Variants in MCTP1 observed in about 807,000 individuals in gnomAD.
MCTP1 encodes the protein multiple C2 and transmembrane domain-containing protein 1.
A neutral mutation model predicts 120.6 loss-of-function variants in MCTP1; 69 were observed. The observed-to-expected ratio is 0.57, with a 90% CI of 0.47 to 0.70. The LOEUF (loss-of-function observed/expected upper bound fraction) is 0.70. Among genes scored for constraint, MCTP1 ranks in the 30% least tolerant of loss-of-function variants. The probability of loss-of-function intolerance (pLI) is 0.00; values close to 1 mark genes in which losing one functional copy is unlikely to be tolerated. For missense variants in MCTP1, 1,203 were observed against 1,248.8 expected (o/e 0.96, Z 0.55); for synonymous variants, 529 against 493.1 (o/e 1.07, Z -0.96).
At chr5:94,859,189 A>G (rs1795263731) in intron 17 of MCTP1, among the ~76,000 whole-genome samples, 1 of 151,764 alleles carries the variant, frequency 6.6e-6, no homozygotes, top group Admixed American at 6.6e-5. Flanking sequence ...CAGTTAAGCT[A>G]GTAGAACCTA....
chr5:95,143,649 A>C (rs1345809786), intron 1 of MCTP1, among the ~76,000 whole-genome samples: 1 of 152,276 alleles, frequency 6.6e-6, no homozygotes, highest in Non-Finnish European at 1.5e-5. Flanking sequence ...ATGTGAGTAC[A>C]TGCGGCATTT....
At chr5:95,267,453 A>G (rs1370141765) in intron 1 of MCTP1, among the ~76,000 whole-genome samples, 1 of 152,150 alleles carries the variant, frequency 6.6e-6, no homozygotes, top group Non-Finnish European at 1.5e-5. Flanking sequence ...TCTTGCCTTC[A>G]TTTACTTTCC....
At chr5:94,968,384 T>C (rs999937674) in intron 2 of MCTP1, among the ~76,000 whole-genome samples, 5 of 152,222 alleles carry the variant, frequency 3.3e-5, no homozygotes, top group South Asian at 2.1e-4. Flanking sequence ...CCTACTTTTC[T>C]TGAGTGCATC....
intron 2 of MCTP1, among the ~76,000 whole-genome samples, chr5:94,974,998 C>G (rs188196444): frequency 6.6e-6 from 1 of 152,254 alleles, no homozygotes; most frequent in Admixed American, 6.5e-5. Flanking sequence ...TTCTAGTCTT[C>G]CTTATTTCAA....
chr5:94,846,661 A>T (rs973942593), intron 17 of MCTP1, among the ~76,000 whole-genome samples: 35 of 152,272 alleles, frequency 2.3e-4, no homozygotes, highest in African/African-American at 8.2e-4. Context: ...AACGTTTTTT[A>T]AAAAAGAATA....
chr5:95,165,912 C>G (rs550417262), intron 1 of MCTP1, among the ~76,000 whole-genome samples: 44 of 152,294 alleles, frequency 2.9e-4, no homozygotes, highest in African/African-American at 1.0e-3. Flanking sequence ...GCCTCCCTCT[C>G]AGGGCTTGTC....
At chr5:95,139,479 C>CT (rs1241157994) in intron 1 of MCTP1, among the ~76,000 whole-genome samples, 1 of 152,184 alleles carries the variant, frequency 6.6e-6, no homozygotes, top group Non-Finnish European at 1.5e-5. Flanking sequence ...TTGCCTCTCA[C>CT]TTAGGGAACA....
chr5:94,737,974 C>A (rs1215020707), intron 19 of MCTP1, among the ~76,000 whole-genome samples: 1 of 152,192 alleles, frequency 6.6e-6, no homozygotes, highest in Non-Finnish European at 1.5e-5. Flanking sequence ...CCACCGCACC[C>A]GGCCAGAATT....
At position 94,750,520 on chromosome 5, in the gene MCTP1, C is replaced by G. The variant is rs1768037038; in HGVS notation, c.2610+28590G>C. On this transcript the variant is annotated intron_variant, in intron 19 of 22. Transcript: ENST00000515393. ...GTGACTTGCTCTGACCAATGAAAGG[C>G]AAACAGAAATGGTCTATGTCTCTTC... Among the ~76,000 whole-genome samples the G allele has an allele frequency of 2.0e-5, 3 of 152,286 alleles. No homozygotes were observed. In the South Asian group the frequency reaches 6.2e-4, roughly 32 times the overall value.
intron 3 of MCTP1, among the ~76,000 whole-genome samples, chr5:94,947,577 T>TATATATATATATAGAGAGAGAGAGAG: frequency 2.1e-5 from 1 of 47,398 alleles, no homozygotes; most frequent in Non-Finnish European, 4.0e-5. Flanking sequence ...TATATATATA[T>TATATATATATATAGAGAGAGAGAGAG]AGAGAGAGAG....
At chr5:95,279,526 A>G (rs1198336013) in intron 1 of MCTP1, among the ~76,000 whole-genome samples, 1 of 152,182 alleles carries the variant, frequency 6.6e-6, no homozygotes, top group Admixed American at 6.5e-5. Context: ...TTTCAACCAC[A>G]CACTTATTTG....
intron 2 of MCTP1, among the ~76,000 whole-genome samples, chr5:94,982,063 C>T (rs1376167796): frequency 6.6e-6 from 1 of 152,082 alleles, no homozygotes; most frequent in Non-Finnish European, 1.5e-5. Context: ...AGGGCAAGTA[C>T]ATTGTTTTCT....
At position 95,211,187 on chromosome 5, in the gene MCTP1, C is replaced by T. The variant is rs534594221; in HGVS notation, c.720+72669G>A. Among the ~76,000 whole-genome samples, 501 of 152,122 alleles carry T rather than the reference C, an allele frequency of 3.3e-3. 3 individuals are homozygous for T. Among genetic ancestry groups the T allele is most frequent in the African/African-American group, 0.011 (474 of 41,472 alleles). On this transcript the variant is annotated intron_variant, in intron 1 of 22. Transcript: ENST00000515393. ...CTCTTCTCGAGGAGTATCTTTGTGG[C>T]ACTCTCTGTATTTCCTGAATCTGAA...
At chr5:94,727,116 C>T (rs1225593529) in intron 19 of MCTP1, among the ~76,000 whole-genome samples, 1 of 152,168 alleles carries the variant, frequency 6.6e-6, no homozygotes, top group Non-Finnish European at 1.5e-5. Flanking sequence ...ATCACCATCC[C>T]TTCTCCCCAT....
chr5:95,079,944 T>C (rs1270573819), intron 1 of MCTP1, among the ~76,000 whole-genome samples: 1 of 152,144 alleles, frequency 6.6e-6, no homozygotes, highest in South Asian at 2.1e-4. Flanking sequence ...TGAAAAGTCA[T>C]CTTTTTTCTC....
intron 1 of MCTP1, among the ~76,000 whole-genome samples, chr5:95,029,990 G>T (rs1323350818): frequency 6.6e-6 from 1 of 152,164 alleles, no homozygotes; most frequent in Non-Finnish European, 1.5e-5. Context: ...GAACGGCAGC[G>T]TTCTAGCAAG....
chr5:95,127,039 G>A (rs2152417944), intron 1 of MCTP1, among the ~76,000 whole-genome samples: 1 of 152,264 alleles, frequency 6.6e-6, no homozygotes. Context: ...TTTTAGGAGT[G>A]ATTTTTCATG....
intron 2 of MCTP1, among the ~76,000 whole-genome samples, chr5:94,966,619 C>A (rs1347238685): frequency 6.6e-6 from 1 of 152,048 alleles, no homozygotes; most frequent in Non-Finnish European, 1.5e-5. Flanking sequence ...CACGGTGAAA[C>A]CCCGTCTCTA....
Position 95,201,470 on chromosome 5 carries a change from T to G in MCTP1, c.720+82386A>C, listed in dbSNP as rs1368359314. Among the ~76,000 whole-genome samples the G allele has an allele frequency of 2.7e-3, 10 of 3,730 alleles. No homozygotes were observed. In the South Asian group the frequency reaches 0.031, roughly 12 times the overall value. The allele number at this position is 3,730 out of a possible 152,430, so 2.4% of individuals were successfully genotyped here. On this transcript the variant is annotated intron_variant, in intron 1 of 22. Coordinates refer to ENST00000515393, the MANE Select transcript of MCTP1 (RefSeq NM_024717.7). ...AAAATGTAAAGGAAAAGTGGTTTTTTTTTTTTTTTTTTTTTTTTTTTTTTT... is the reference window on the plus strand; with the variant it reads ...AAAATGTAAAGGAAAAGTGGTTTTTGTTTTTTTTTTTTTTTTTTTTTTTTT...
Sources: allele counts gnomAD v4.1 joint callset (sites outside exome capture counted in the v4.1 genomes callset), GRCh38; gene constraint gnomAD v4.1.1; transcripts MANE v1.5; gene names NCBI Gene and HGNC (gene_info 2026-07-23, HGNC 2026-07-21).